Variants in SIGLECL1 observed in about 807,000 individuals in gnomAD.
SIGLECL1 encodes SIGLEC family-like protein 1.
Under a neutral mutation model 19.1 loss-of-function variants are expected in SIGLECL1, and 16 were observed. The ratio of observed to expected loss-of-function variants is 0.84; its 90% CI spans 0.57 to 1.27. The LOEUF (loss-of-function observed/expected upper bound fraction) is 1.27, where lower values mean the gene tolerates loss of function less well. SIGLECL1 is among the 50% of genes most tolerant of loss of function. The pLI is 0.00. For missense variants in SIGLECL1, 210 were observed against 239.4 expected, an observed-to-expected ratio of 0.88 and a Z score of 0.81; for synonymous variants, 89 against 90.4, an observed-to-expected ratio of 0.98 and a Z score of 0.09.
intron 4 of SIGLECL1, among the ~76,000 whole-genome samples, chr19:51,266,089 T>G (rs552918562): frequency 3.3e-4 from 50 of 152,244 alleles, no homozygotes; most frequent in African/African-American, 1.2e-3. Flanking sequence ...ACAGACACTT[T>G]GAACACATTT....
intron 1 of SIGLECL1, among the ~76,000 whole-genome samples, chr19:51,258,259 A>G (rs1368533003): frequency 1.3e-5 from 2 of 152,200 alleles, no homozygotes; most frequent in Non-Finnish European, 2.9e-5. Context: ...CTTGTGGACC[A>G]TTCCCTAACT....
chr19:51,268,498 G>T lies in SIGLECL1; in HGVS notation c.568-73G>T, dbSNP rs114716545. 2,118 of 1,540,232 alleles carry T rather than the reference G, an allele frequency of 1.4e-3. 8 individuals are homozygous for T. Among genetic ancestry groups the T allele is most frequent in the African/African-American group, 7.8e-3 (575 of 73,552 alleles). ...TGTGCACAAGGGGGTGTCTTTTTAA[G>T]ATTTGGATACCTCACCTCTAGACCT... On this transcript the variant is annotated intron_variant, in intron 5 of 5. Transcript: ENST00000601727.
intron 2 of SIGLECL1, 67 bp from the exon 3 acceptor site, chr19:51,265,301 C>T: frequency 1.3e-6 from 2 of 1,506,484 alleles, no homozygotes; most frequent in Non-Finnish European, 1.8e-6. Context: ...GAGAAGGCTG[C>T]ATGCTGGAGA....
chr19:51,250,055 T>C (rs1416473992), upstream of SIGLECL1, among the ~76,000 whole-genome samples: 2 of 151,844 alleles, frequency 1.3e-5, no homozygotes, highest in Non-Finnish European at 2.9e-5. Context: ...CTCATTGTCA[T>C]CTTGGTTTTG....
intron 4 of SIGLECL1, among the ~76,000 whole-genome samples, 175 bp from the exon 5 acceptor site, chr19:51,267,198 C>A (rs1599802831): frequency 6.6e-6 from 1 of 152,176 alleles, no homozygotes; most frequent in Non-Finnish European, 1.5e-5. Flanking sequence ...CAGGGTATCC[C>A]CCTTATTCAG....
rs752985085 is a variant in SIGLECL1, at chr19:51,265,661, G to C, written c.304+12G>C. On this transcript the variant is annotated intron_variant, in intron 3 of 5. Transcript: ENST00000601727. ...CCTACTGATGTCAAGTGAGGGTGGA[G>C]GGGGCTCGGTGACTGGGTGAGGACA... 1 of 1,611,598 alleles carries C rather than the reference G, an allele frequency of 6.2e-7. No homozygotes were observed. Among genetic ancestry groups the C allele is most frequent in the African/African-American group, 1.3e-5 (1 of 74,886 alleles).
At chr19:51,248,968 C>A (rs1051064931), upstream of SIGLECL1, among the ~76,000 whole-genome samples, 1 of 152,034 alleles carries the variant, frequency 6.6e-6, no homozygotes, top group Non-Finnish European at 1.5e-5. Context: ...TAATGGCTTC[C>A]CAGTTAGTTA....
intron 1 of SIGLECL1, among the ~76,000 whole-genome samples, chr19:51,253,127 A>T (rs1029506466): frequency 6.6e-6 from 1 of 152,032 alleles, no homozygotes; most frequent in Non-Finnish European, 1.5e-5. Context: ...ACAAAAAAAA[A>T]GTGGTTCCAA....
At chr19:51,265,332 G>A in intron 2 of SIGLECL1, 36 bp from the exon 3 acceptor site, 1 of 1,565,170 alleles carries the variant, frequency 6.4e-7, no homozygotes, top group African/African-American at 1.4e-5. Flanking sequence ...GGGAAGCCAG[G>A]ATGCCTTGCT....
upstream of SIGLECL1, among the ~76,000 whole-genome samples, chr19:51,250,821 G>T (rs776913868): frequency 6.6e-6 from 1 of 152,212 alleles, no homozygotes; most frequent in Non-Finnish European, 1.5e-5. Flanking sequence ...AGTTGCAGTT[G>T]CAGTTCCTGA....
intron 1 of SIGLECL1, among the ~76,000 whole-genome samples, chr19:51,262,929 A>G (rs2123433068): frequency 6.6e-6 from 1 of 152,258 alleles, no homozygotes; most frequent in African/African-American, 2.4e-5. Flanking sequence ...ATAAAGTCTT[A>G]CTCTGTAGCC....
intron 4 of SIGLECL1, among the ~76,000 whole-genome samples, chr19:51,266,106 G>A (rs1272743304): frequency 6.6e-6 from 1 of 152,134 alleles, no homozygotes; most frequent in Non-Finnish European, 1.5e-5. Flanking sequence ...ATTTTATAAA[G>A]GAGAAGACCA....
At chr19:51,261,131 C>T (rs8112617) in intron 1 of SIGLECL1, among the ~76,000 whole-genome samples, 6,658 of 152,076 alleles carry the variant, frequency 0.044, 498 homozygotes, top group African/African-American at 0.15. Context: ...ATACTTTATT[C>T]CTGTTAATGT....
At chr19:51,264,164 G>A (rs958073507) in intron 2 of SIGLECL1, 70 bp downstream of exon 2, 57 of 1,591,136 alleles carry the variant, frequency 3.6e-5, no homozygotes, top group Non-Finnish European at 4.6e-5. Context: ...GGTGTTGGCA[G>A]GGCAGAGGAT....
At chr19:51,267,224 C>T in intron 4 of SIGLECL1, 149 bp from the exon 5 acceptor site, 2 of 925,162 alleles carry the variant, frequency 2.2e-6, no homozygotes, top group East Asian at 4.8e-5. Flanking sequence ...GAAACTAATT[C>T]CCAGAGAGGA....
chr19:51,250,596 GA>G (rs1369844536), upstream of SIGLECL1, among the ~76,000 whole-genome samples: 4 of 152,226 alleles, frequency 2.6e-5, no homozygotes, highest in African/African-American at 9.6e-5. Context: ...TAATGGGTAA[GA>G]AAGTGCGTGA....
rs992139902 is a variant in SIGLECL1, at chr19:51,269,278, C to T, written c.*681C>T. 2.0e-5 allele frequency: 3 copies of T among 152,178 alleles called. No individual in the cohort carries two copies. Among genetic ancestry groups the T allele is most frequent in the African/African-American group, 7.2e-5 (3 of 41,414 alleles). 9.4% of individuals were successfully genotyped at this position (152,178 alleles called of 1,614,324 possible). ...GGGACTTTGTCTGCCTTGTTTTCTA[C>T]TTTTATCACCAGCACCCAGAATGAT... On this transcript the variant is annotated 3_prime_UTR_variant, in exon 6 of 6. Transcript: ENST00000601727.
intron 1 of SIGLECL1, among the ~76,000 whole-genome samples, chr19:51,258,964 C>T (rs55744949): frequency 0.028 from 4,322 of 152,150 alleles, 104 homozygotes; most frequent in Non-Finnish European, 0.043. Context: ...GGAAATCTGA[C>T]CTCAGATCTC....
At position 51,267,462 on chromosome 19, in the gene SIGLECL1, A is replaced by G. The variant is rs1983765380; in HGVS notation, c.500A>G (p.Glu167Gly). The stretch of plus-strand genomic sequence containing the variant: ...AAAGTCAGAGCAAGCCAAGAACTTG[A>G]GATGTCTCTGAAGCCTGAGGAACCA... ...SSKVRASQEL[E>G]MSLKPEEPGK... Residue 167 changes from glutamate (E) to glycine (G), a missense_variant, in exon 5 of 6, where the codon GAG becomes GGG. Glu to Gly is a moderately conservative substitution (Grantham distance 98). Transcript: ENST00000601727. 2 of 1,614,212 alleles carry G rather than the reference A, an allele frequency of 1.2e-6. No individual in the cohort carries two copies. The highest frequency in any genetic ancestry group is 1.7e-6 in the Non-Finnish European group (2 of 1,180,038).
Sources: allele counts gnomAD v4.1 joint callset (sites outside exome capture counted in the v4.1 genomes callset), GRCh38; gene constraint gnomAD v4.1.1; transcripts MANE v1.5; gene names NCBI Gene and HGNC (gene_info 2026-07-23, HGNC 2026-07-21).